The following PALM2AKAP2 variants were observed in gnomAD, a reference collection of about 807,000 sequenced individuals.
PALM2AKAP2 encodes PALM2 and AKAP2 fusion, also known as PALM2-AKAP2 fusion protein.
A neutral mutation model predicts 71.5 loss-of-function variants in PALM2AKAP2; 37 were observed. That is an observed-to-expected ratio of 0.52 (90% CI 0.40 to 0.68). The LOEUF is 0.68. Among genes scored for constraint, PALM2AKAP2 ranks in the 30% least tolerant of loss-of-function variants. The probability of loss-of-function intolerance (pLI) is 0.00; values close to 1 mark genes in which losing one functional copy is unlikely to be tolerated. For missense variants in PALM2AKAP2, 1,224 were observed against 1,191.8 expected (o/e 1.03, Z -0.40); for synonymous variants, 468 against 478.8 (o/e 0.98, Z 0.29).
chr9:109,808,685 CA>C, intron 1 of PALM2AKAP2, among the ~76,000 whole-genome samples: 1 of 152,140 alleles, frequency 6.6e-6, no homozygotes, highest in Admixed American at 6.5e-5. Flanking sequence ...ACAAGAAAGC[CA>C]AATGTTAATC....
chr9:110,038,555 T>A (rs1833453806), intron 7 of PALM2AKAP2, among the ~76,000 whole-genome samples: 1 of 151,940 alleles, frequency 6.6e-6, no homozygotes. Context: ...ACAAGTGCTG[T>A]CTTGGTGAAA....
intron 1 of PALM2AKAP2, among the ~76,000 whole-genome samples, chr9:109,851,835 C>T (rs1187909993): frequency 1.3e-5 from 2 of 152,174 alleles, no homozygotes; most frequent in Non-Finnish European, 1.5e-5. Flanking sequence ...CTAACTTGAG[C>T]ATCCTGAAAT....
chr9:110,154,094 T>C (rs1443828868), intron 2 of PALM2AKAP2, among the ~76,000 whole-genome samples: 1 of 152,190 alleles, frequency 6.6e-6, no homozygotes, highest in Non-Finnish European at 1.5e-5. Flanking sequence ...AAATTGTTCA[T>C]CTCACCCTAT....
chr9:109,844,579 C>G (rs1018380087), intron 1 of PALM2AKAP2, among the ~76,000 whole-genome samples: 4 of 152,166 alleles, frequency 2.6e-5, no homozygotes, highest in Admixed American at 6.5e-5. Flanking sequence ...TGCACTATGT[C>G]TGTACTGTTT....
At chr9:110,144,189 T>A (rs764341945) in intron 2 of PALM2AKAP2, among the ~76,000 whole-genome samples, 1 of 152,258 alleles carries the variant, frequency 6.6e-6, no homozygotes, top group African/African-American at 2.4e-5. Context: ...AGTCCCTGTG[T>A]CAGCATCTGA....
intron 1 of PALM2AKAP2, among the ~76,000 whole-genome samples, chr9:110,096,446 T>TATTTATTTATTTATTTATTA (rs551422085): frequency 1.8e-4 from 27 of 151,960 alleles, no homozygotes; most frequent in African/African-American, 6.5e-4. Context: ...TTTATTTATT[T>TATTTATTTATTTATTTATTA]ATTAAGATGG....
chr9:109,967,117 A>G (rs1831964078), intron 6 of PALM2AKAP2, among the ~76,000 whole-genome samples: 1 of 152,148 alleles, frequency 6.6e-6, no homozygotes, highest in Non-Finnish European at 1.5e-5. Context: ...GGCAAGAGTC[A>G]AGAGTCATCC....
chr9:110,054,922 A>C (rs2132521299), intron 1 of PALM2AKAP2, among the ~76,000 whole-genome samples: 1 of 152,340 alleles, frequency 6.6e-6, no homozygotes, highest in South Asian at 2.1e-4. Context: ...AAATGCTAGC[A>C]ATTGTGCAGC....
chr9:110,021,766 A>G (rs1190962484), intron 7 of PALM2AKAP2, among the ~76,000 whole-genome samples: 4 of 150,984 alleles, frequency 2.6e-5, no homozygotes, highest in Admixed American at 6.6e-5. Flanking sequence ...ACAGGTATGG[A>G]TCAGTATTTC....
At chr9:109,701,783 A>G (rs1459871905) in intron 1 of PALM2AKAP2, among the ~76,000 whole-genome samples, 6 of 152,250 alleles carry the variant, frequency 3.9e-5, no homozygotes, top group Non-Finnish European at 7.3e-5. Flanking sequence ...ACGGCAAAAG[A>G]AACTACCATC....
At chr9:109,744,725 C>T (rs1287125550) in intron 1 of PALM2AKAP2, among the ~76,000 whole-genome samples, 1 of 152,188 alleles carries the variant, frequency 6.6e-6, no homozygotes, top group Non-Finnish European at 1.5e-5. Context: ...TCTAAGCACC[C>T]CAGATGTTCT....
intron 6 of PALM2AKAP2, among the ~76,000 whole-genome samples, chr9:109,970,275 A>C (rs1832040896): frequency 6.6e-6 from 1 of 152,242 alleles, no homozygotes; most frequent in South Asian, 2.1e-4. Flanking sequence ...TTTTATTATT[A>C]GATTCAATAA....
intron 7 of PALM2AKAP2, among the ~76,000 whole-genome samples, chr9:110,027,615 G>C (rs556758944): frequency 5.3e-4 from 80 of 152,270 alleles, no homozygotes; most frequent in Non-Finnish European, 9.6e-4. Context: ...CGTTTGAAAA[G>C]GGTACATTTC....
chr9:110,058,883 A>G lies in PALM2AKAP2; in HGVS notation c.156+10028A>G, dbSNP rs372520208. ...AAATGAGTATGCTTATTGTATACTG[A>G]TGGAAAGTTTTTTGGTTTTTTTTTT... On this transcript the variant is annotated intron_variant, in intron 1 of 3. Transcript: ENST00000374525. Among the ~76,000 whole-genome samples the G allele has an allele frequency of 5.5e-5, 8 of 145,342 alleles. No homozygotes were observed. In the East Asian group the frequency reaches 8.4e-4, roughly 15 times the overall value.
chr9:110,086,512 T>C (rs1032631229), intron 1 of PALM2AKAP2, among the ~76,000 whole-genome samples: 17 of 152,374 alleles, frequency 1.1e-4, no homozygotes, highest in Middle Eastern at 3.4e-3. Flanking sequence ...TTGCTGACTT[T>C]CCAAGATGGC....
chr9:109,819,742 G>A (rs957943391), intron 1 of PALM2AKAP2, among the ~76,000 whole-genome samples: 5 of 151,556 alleles, frequency 3.3e-5, no homozygotes, highest in Non-Finnish European at 5.9e-5. Context: ...TGTATTATAT[G>A]TATTAAGCTC....
upstream of PALM2AKAP2, among the ~76,000 whole-genome samples, chr9:109,776,046 T>TATATCCAG (rs1218119226): frequency 1.3e-5 from 2 of 152,242 alleles, no homozygotes; most frequent in African/African-American, 4.8e-5. Flanking sequence ...TTGTGATGTA[T>TATATCCAG]ATATCCAGAT....
At chr9:109,884,091 T>C (rs1201720516) in intron 3 of PALM2AKAP2, among the ~76,000 whole-genome samples, 16 of 152,188 alleles carry the variant, frequency 1.1e-4, no homozygotes, top group African/African-American at 3.4e-4. Context: ...TCCAGGAGCA[T>C]GATTGTTGAA....
chr9:110,075,611 C>T (rs1296501245), intron 1 of PALM2AKAP2, among the ~76,000 whole-genome samples: 2 of 151,358 alleles, frequency 1.3e-5, no homozygotes, highest in African/African-American at 4.9e-5. Context: ...TTTTTTTTAA[C>T]CTCTATAGTC....
Sources: allele counts gnomAD v4.1 joint callset (sites outside exome capture counted in the v4.1 genomes callset), GRCh38; gene constraint gnomAD v4.1.1; transcripts MANE v1.5; gene names NCBI Gene and HGNC (gene_info 2026-07-23, HGNC 2026-07-21).